The following HECTD2 variants were observed in gnomAD, a reference collection of about 807,000 sequenced individuals.
HECTD2 encodes probable E3 ubiquitin-protein ligase HECTD2.
A neutral mutation model predicts 103.2 loss-of-function variants in HECTD2; 35 were observed. The observed-to-expected ratio is 0.34, with a 90% CI of 0.26 to 0.45. The LOEUF (loss-of-function observed/expected upper bound fraction) is 0.45, where lower values mean the gene tolerates loss of function less well. HECTD2 is among the 20% of genes least tolerant of loss of function. The pLI is 1.00. For synonymous variants in HECTD2, 281 were observed against 329.9 expected, an observed-to-expected ratio of 0.85 and a Z score of 1.61; for missense variants, 596 against 937.4, an observed-to-expected ratio of 0.64 and a Z score of 4.76.
At chr10:91,450,741 AT>A (rs1379377775) in intron 2 of HECTD2, among the ~76,000 whole-genome samples, 2 of 152,174 alleles carry the variant, frequency 1.3e-5, no homozygotes, top group East Asian at 3.8e-4. Flanking sequence ...AAAAGAAGAC[AT>A]TTATGCAGCC....
intron 20 of HECTD2, among the ~76,000 whole-genome samples, chr10:91,505,983 T>A (rs1028016575): frequency 9.9e-5 from 15 of 150,828 alleles, no homozygotes; most frequent in Non-Finnish European, 2.1e-4. Flanking sequence ...TCAAAGCCAC[T>A]CAACTACATG....
At chr10:91,432,932 A>C (rs1489807200) in intron 2 of HECTD2, among the ~76,000 whole-genome samples, 1 of 152,004 alleles carries the variant, frequency 6.6e-6, no homozygotes, top group Non-Finnish European at 1.5e-5. Context: ...TGTGATCTTC[A>C]CAGGTCAAGT....
At chr10:91,494,027 A>G (rs11186585) in intron 14 of HECTD2, among the ~76,000 whole-genome samples, 29,480 of 151,974 alleles carry the variant, frequency 0.19, 6,681 homozygotes, top group African/African-American at 0.55. Context: ...TTATAAGTCC[A>G]TCTGCAATCC....
Position 91,493,692 on chromosome 10 carries a change from GA to G in HECTD2, c.1521+187del, listed in dbSNP as rs58209119. On this transcript the variant is annotated intron_variant, in intron 14 of 20. Coordinates refer to ENST00000298068, the MANE Select transcript of HECTD2 (RefSeq NM_182765.6). Reference sequence around the variant, plus strand: ...TATATGTCAGTAGACTTAATTGAAAGAAATGAGAGTTTGATTTTTTTCTGAA... The same window carrying G: ...TATATGTCAGTAGACTTAATTGAAAGAATGAGAGTTTGATTTTTTTCTGAA... 5.7e-3 allele frequency among the ~76,000 whole-genome samples: 873 copies of G among 151,986 alleles called. 4 individuals carry two copies. The highest frequency in any genetic ancestry group is 0.02 in the African/African-American group (838 of 41,524).
At chr10:91,480,568 G>A (rs1275455523) in intron 6 of HECTD2, among the ~76,000 whole-genome samples, 1 of 151,874 alleles carries the variant, frequency 6.6e-6, no homozygotes, top group Non-Finnish European at 1.5e-5. Context: ...AAAAGCTCTT[G>A]GCCAAATCTC....
Position 91,410,454 on chromosome 10 carries a change from C to A in HECTD2, c.16C>A (p.Arg6=). 2 of 1,455,520 alleles carry A rather than the reference C, an allele frequency of 1.4e-6. No homozygotes were observed. The highest frequency in any genetic ancestry group is 1.3e-5 in the South Asian group (1 of 75,508). The allele number at this position is 1,455,520 out of a possible 1,614,324, so 90.2% of individuals were successfully genotyped here. A position where few individuals can be genotyped will look rare whatever the true frequency, so the allele number is the denominator to read the frequency against. ...CCGGCCCGACATGAGTGAGGCGGTT[C>A]GGGTACCCTCGCCCGCCACTCCGCT... MSEAV[R]VPSPATPLVV... Residue 6 remains arginine (R), a synonymous_variant, in exon 1 of 21, where the codon CGG becomes AGG. Transcript: ENST00000298068.
At chr10:91,510,798 C>T (rs559956460) in intron 20 of HECTD2, among the ~76,000 whole-genome samples, 3 of 152,208 alleles carry the variant, frequency 2.0e-5, no homozygotes, top group South Asian at 2.1e-4. Context: ...ATGTCTGGTG[C>T]GTAAAAAATT....
At chr10:91,496,033 G>A (rs1258342836) in intron 14 of HECTD2, among the ~76,000 whole-genome samples, 181 bp from the exon 15 acceptor site, 1 of 151,988 alleles carries the variant, frequency 6.6e-6, no homozygotes, top group East Asian at 1.9e-4. Flanking sequence ...TTGTAATCAA[G>A]GAATTATATT....
chr10:91,483,817 A>G (rs1360225853), intron 8 of HECTD2, among the ~76,000 whole-genome samples: 1 of 151,862 alleles, frequency 6.6e-6, no homozygotes, highest in Non-Finnish European at 1.5e-5. Flanking sequence ...TTAAAGACAC[A>G]CTTCATTTAA....
chr10:91,428,277 T>C (rs1843665315), intron 2 of HECTD2, among the ~76,000 whole-genome samples: 1 of 151,766 alleles, frequency 6.6e-6, no homozygotes, highest in Admixed American at 6.6e-5. Flanking sequence ...TTGGTTACTG[T>C]AGCCTTGTAG....
intron 1 of HECTD2, among the ~76,000 whole-genome samples, chr10:91,421,720 G>A (rs1843367217): frequency 6.6e-6 from 1 of 152,140 alleles, no homozygotes; most frequent in Admixed American, 6.5e-5. Context: ...GGTTCCTTTA[G>A]TAGTTACTCA....
intron 2 of HECTD2, among the ~76,000 whole-genome samples, chr10:91,444,755 TATAA>T (rs35926209): frequency 0.2 from 30,305 of 151,920 alleles, 7,189 homozygotes; most frequent in African/African-American, 0.58. Context: ...AAACTGACAT[TATAA>T]ATAGAGGCAA....
intron 2 of HECTD2, among the ~76,000 whole-genome samples, chr10:91,427,503 C>T (rs1236645615): frequency 6.6e-6 from 1 of 152,158 alleles, no homozygotes; most frequent in Non-Finnish European, 1.5e-5. Flanking sequence ...CACATCCTCT[C>T]CAGCACCTGT....
intron 2 of HECTD2, among the ~76,000 whole-genome samples, chr10:91,450,251 C>G (rs1564712496): frequency 6.6e-6 from 1 of 152,210 alleles, no homozygotes; most frequent in East Asian, 1.9e-4. Context: ...CTTTGACAAA[C>G]CTGATAAAAA....
intron 12 of HECTD2, 103 bp downstream of exon 12, chr10:91,491,410 G>T (rs762398962): frequency 1.2e-4 from 70 of 564,146 alleles, no homozygotes; most frequent in Non-Finnish European, 2.2e-4. Flanking sequence ...GCCAATAAGT[G>T]TGCTTCCTTA....
Position 91,481,127 on chromosome 10 carries a change from T to C in HECTD2, c.699T>C (p.Phe233=), listed in dbSNP as rs761151174. 3 of 1,531,068 alleles carry C rather than the reference T, an allele frequency of 2.0e-6. No homozygotes were observed. The highest frequency in any genetic ancestry group is 2.7e-6 in the Non-Finnish European group (3 of 1,121,124). 94.8% of individuals were successfully genotyped at this position (1,531,068 alleles called of 1,614,324 possible). The change falls in exon 7 of 21, where the codon TTT becomes TTC. Residue 233 remains phenylalanine (F), a synonymous_variant. Coordinates refer to ENST00000298068, the MANE Select transcript of HECTD2 (RefSeq NM_182765.6). The stretch of plus-strand genomic sequence containing the variant: ...CAAAAGATGATCTTAGAGCATATTT[T>C]ATACTTTTACAGGTAAGAGAACCAG... ...PRTKDDLRAY[F]ILLQNPQFNN...
intron 6 of HECTD2, among the ~76,000 whole-genome samples, chr10:91,479,652 A>G (rs1846023415): frequency 6.6e-6 from 1 of 152,182 alleles, no homozygotes; most frequent in Non-Finnish European, 1.5e-5. Flanking sequence ...TTGTACAAAA[A>G]TCTTCTTTTC....
intron 5 of HECTD2, among the ~76,000 whole-genome samples, chr10:91,471,683 C>T (rs1056684524): frequency 1.3e-5 from 2 of 152,004 alleles, no homozygotes; most frequent in African/African-American, 2.4e-5. Flanking sequence ...AGCAGAGAGC[C>T]AAATCAAGAA....
At chr10:91,429,557 C>T (rs1439151430) in intron 2 of HECTD2, among the ~76,000 whole-genome samples, 3 of 152,170 alleles carry the variant, frequency 2.0e-5, no homozygotes, top group Admixed American at 2.0e-4. Flanking sequence ...AATTTCAGAT[C>T]CTGTTATTGG....
Sources: gnomAD v4.1 joint callset for allele counts (sites outside exome capture counted in the v4.1 genomes callset) on GRCh38, gnomAD v4.1.1 for gene constraint, MANE v1.5 for transcripts, NCBI Gene and HGNC (gene_info 2026-07-23, HGNC 2026-07-21) for gene names.